Variants in FASN observed in about 807,000 individuals in gnomAD.
The protein encoded by FASN is fatty acid synthase.
In FASN, 50 loss-of-function variants were observed where a neutral mutation model predicts 250.0. The ratio of observed to expected loss-of-function variants is 0.20; its 90% CI spans 0.16 to 0.25. FASN has a LOEUF of 0.25. Ranked by LOEUF, FASN falls within the 10% of genes least tolerant of loss-of-function variation. The probability of loss-of-function intolerance (pLI) is 1.00; values close to 1 mark genes in which losing one functional copy is unlikely to be tolerated. For synonymous variants in FASN, 1,909 were observed against 1,584.0 expected (o/e 1.21, Z -4.87); for missense variants, 3,031 against 3,498.5 (o/e 0.87, Z 3.37).
rs1296810957 is a variant in FASN, at chr17:82,095,462, G to A, written c.138C>T (p.Gly46=). 1 of 1,612,400 alleles carries A rather than the reference G, an allele frequency of 6.2e-7. No individual in the cohort carries two copies. Among genetic ancestry groups the A allele is most frequent in the Admixed American group, 1.7e-5 (1 of 60,024 alleles). ...TCAGCTTGCCGGACCGCCGGGGCAG[G>A]CCGTAGAGCCCTGTGGGACAGGCGG... is the stretch of plus-strand genomic sequence containing the variant. ...DDRRWKAGLY[G]LPRRSGKLKD... The change falls in exon 3 of 43, where the codon GGC becomes GGT. Residue 46 remains glycine, a synonymous_variant. Transcript: ENST00000306749.
At chr17:82,095,554 G>A in intron 2 of FASN, 82 bp from the exon 3 acceptor site, 1 of 1,546,116 alleles carries the variant, frequency 6.5e-7, no homozygotes, top group Non-Finnish European at 8.8e-7. Flanking sequence ...GGCCCCTGGA[G>A]GGGCCATGGT....
Position 82,079,133 on chromosome 17 carries a change from G to A in FASN, c.*10C>T. 6.2e-7 allele frequency: 1 copy of A among 1,609,238 alleles called. No individual in the cohort carries two copies. Among genetic ancestry groups the A allele is most frequent in the Non-Finnish European group, 8.5e-7 (1 of 1,179,732 alleles). On this transcript the variant is annotated 3_prime_UTR_variant, in exon 43 of 43. Transcript: ENST00000306749. ...TGGAGTGACCTCCGGTGGCAGGCGGGGGCACGGGCCTAGCCCTCCCGCACG... is the reference window on the plus strand; with the variant it reads ...TGGAGTGACCTCCGGTGGCAGGCGGAGGCACGGGCCTAGCCCTCCCGCACG...
At chr17:82,079,871 C>A (rs2033956937) in intron 41 of FASN, 3 of 630,258 alleles carry the variant, frequency 4.8e-6, no homozygotes, top group Non-Finnish European at 8.2e-6. Context: ...CCATGCCTGG[C>A]TAATTTTTGT....
In FASN at chr17:82,087,136, A is replaced by C. The variant is rs926340621; in HGVS notation, c.3341T>G (p.Leu1114Arg). 6.2e-7 allele frequency: 1 copy of C among 1,612,060 alleles called. No homozygotes were observed. The highest frequency in any genetic ancestry group is 8.5e-7 in the Non-Finnish European group (1 of 1,179,820). The change falls in exon 21 of 43, where the codon CTG becomes CGG. Residue 1114 changes from leucine (L) to arginine (R), a missense_variant. By Grantham distance (102) the Leu-to-Arg change is moderately radical (BLOSUM62 -2). Coordinates refer to ENST00000306749, the MANE Select transcript of FASN (RefSeq NM_004104.5). ...RRQQEQQVPI[L>R]EKFCFTPHTE... ...GTGGGGAGTGAAGCAAAACTTCTCC[A>C]GGATGGGCACCTGCTGCTCCTGCTG...
chr17:82,088,278 G>T lies in FASN; in HGVS notation c.2623C>A (p.Leu875Met). The stretch of plus-strand genomic sequence containing the variant: ...CGACCGTCGAGGGTGTGGTCCACCA[G>T]GTAGTGGTCAGGAGACTCGGAGCTG... ...DTSSESPDHY[L>M]VDHTLDGRVL... The change falls in exon 17 of 43, where the codon CTG becomes ATG. Residue 875 changes from leucine (L) to methionine (M), a missense_variant. Coordinates refer to ENST00000306749, the MANE Select transcript of FASN (RefSeq NM_004104.5). The T allele has an allele frequency of 6.2e-7, 1 of 1,606,446 alleles. No individual in the cohort carries two copies. Among genetic ancestry groups the T allele is most frequent in the African/African-American group, 1.3e-5 (1 of 75,054 alleles).
intron 1 of FASN, 133 bp from the exon 2 acceptor site, chr17:82,096,585 T>A: frequency 7.3e-7 from 1 of 1,361,864 alleles, no homozygotes; most frequent in Non-Finnish European, 1.0e-6. Flanking sequence ...CCCTGGCTCC[T>A]GCGGCTCCCT....
chr17:82,080,780 C>G lies in FASN; in HGVS notation c.6738G>C (p.Leu2246=), dbSNP rs764065669. 56 of 1,604,556 alleles carry G rather than the reference C, an allele frequency of 3.5e-5. No individual in the cohort carries two copies. The highest frequency in any genetic ancestry group is 4.7e-5 in the Non-Finnish European group (55 of 1,176,924). ...TGGTGGAGCCCTCGATTGGGTGCACCAGGAACAGGGGCCGCTCCGAGCTCT... is the reference window on the plus strand; with the variant it reads ...TGGTGGAGCCCTCGATTGGGTGCACGAGGAACAGGGGCCGCTCCGAGCTCT... The part of the protein sequence containing the change: ...SVQSSERPLF[L]VHPIEGSTTV... Residue 2246 remains leucine (L), a synonymous_variant, in exon 39 of 43, where the codon CTG becomes CTC. Coordinates refer to ENST00000306749, the MANE Select transcript of FASN (RefSeq NM_004104.5).
chr17:82,082,839 G>C, intron 33 of FASN, 75 bp downstream of exon 33: 2 of 1,576,986 alleles, frequency 1.3e-6, no homozygotes, highest in East Asian at 4.6e-5. Flanking sequence ...CACAATGGTG[G>C]GCTGCAGAGA....
chr17:82,084,436 G>A (rs1485177491), intron 27 of FASN, 52 bp from the exon 28 acceptor site: 1 of 1,586,576 alleles, frequency 6.3e-7, no homozygotes, highest in South Asian at 1.1e-5. Flanking sequence ...CTCCCGAGGG[G>A]CTCCCAGGCA....
At position 82,088,430 on chromosome 17, in the gene FASN, G is replaced by A. The variant is rs1269517182; in HGVS notation, c.2553C>T (p.Pro851=). The change falls in exon 16 of 43, where the codon CCC becomes CCT. Residue 851 remains proline (P), a synonymous_variant. Coordinates refer to ENST00000306749, the MANE Select transcript of FASN (RefSeq NM_004104.5). ...CGGCTGAGGGGGAACCTGAACCGTT[G>A]GGGAAGTCCTCGGCGGCCGGCACGT... The part of the protein sequence containing the change: ...AWDVPAAEDF[P]NGSGSPSAAI... 6.2e-7 allele frequency: 1 copy of A among 1,611,982 alleles called. No homozygotes were observed. Among genetic ancestry groups the A allele is most frequent in the Non-Finnish European group, 8.5e-7 (1 of 1,179,328 alleles).
intron 12 of FASN, 30 bp downstream of exon 12, chr17:82,089,602 A>G (rs1384579329): frequency 1.3e-6 from 2 of 1,570,438 alleles, no homozygotes; most frequent in South Asian, 1.2e-5. Context: ...CGCAGGGGAC[A>G]GAGGAGCCCG....
In FASN at chr17:82,079,411, G is replaced by C; in HGVS notation, c.7344C>G (p.Ala2448=). The C allele has an allele frequency of 3.7e-6, 6 of 1,613,050 alleles. No individual in the cohort carries two copies. Among genetic ancestry groups the C allele is most frequent in the Non-Finnish European group, 5.1e-6 (6 of 1,180,008 alleles). Reference sequence around the variant, plus strand: ...CCTCGCCGTAGGCGCCACCCGTCTTGGCGCGCAGTAGCATCACGTTGCCAT... The same window carrying C: ...CCTCGCCGTAGGCGCCACCCGTCTTCGCGCGCAGTAGCATCACGTTGCCAT... ...KYHGNVMLLR[A]KTGGAYGEDL... is the part of the protein sequence containing the mutation. The change falls in exon 42 of 43, where the codon GCC becomes GCG. Residue 2448 remains alanine (A), a synonymous_variant. Coordinates refer to ENST00000306749, the MANE Select transcript of FASN (RefSeq NM_004104.5).
At position 82,084,814 on chromosome 17, in the gene FASN, A is replaced by T. The variant is rs1244670246; in HGVS notation, c.4549T>A (p.Phe1517Ile). 1.3e-6 allele frequency: 2 copies of T among 1,550,118 alleles called. No individual in the cohort carries two copies. The highest frequency in any genetic ancestry group is 1.7e-6 in the Non-Finnish European group (2 of 1,146,958). The change falls in exon 26 of 43, where the codon TTC becomes ATC. Residue 1517 changes from phenylalanine (F) to isoleucine (I), a missense_variant. By Grantham distance (21) the Phe-to-Ile change is conservative. Transcript: ENST00000306749. ...GGGGGCTCACCCTCCTCCAGCAGGA[A>T]GTGGCGGAAAGCCCCCCAGGCCCCG... is the stretch of plus-strand genomic sequence containing the variant. The part of the protein sequence containing the change: ...RDGAWGAFRH[F>I]LLEEDKPEEP...
Position 82,084,914 on chromosome 17 carries a change from G to A in FASN, c.4449C>T (p.Val1483=). The change falls in exon 26 of 43, where the codon GTC becomes GTT. Residue 1483 remains valine, a synonymous_variant. Transcript: ENST00000306749. ...CTGCGGAGCCCGGGTCCACCTCCGGGACGTGGGAGGTGCTGCTGAGGTTGG... is the reference window on the plus strand; with the variant it reads ...CTGCGGAGCCCGGGTCCACCTCCGGAACGTGGGAGGTGCTGCTGAGGTTGG... The part of the protein sequence containing the change: ...LLSNLSSTSH[V]PEVDPGSAEL... The A allele has an allele frequency of 1.9e-6, 3 of 1,552,490 alleles. No homozygotes were observed. Among genetic ancestry groups the A allele is most frequent in the East Asian group, 2.4e-5 (1 of 41,118 alleles).
In FASN at chr17:82,082,575, G is replaced by A. The variant is rs779181108; in HGVS notation, c.5871C>T (p.Ala1957=). 2.0e-5 allele frequency: 32 copies of A among 1,609,400 alleles called. No individual in the cohort carries two copies. The highest frequency in any genetic ancestry group is 5.0e-5 in the Admixed American group (3 of 59,970). ...CCACGGGCCCAAGCTGCGCCGCCTC[G>A]GCAATGAGGCCCCGGGCCCCCTCCA... The part of the protein sequence containing the change: ...SSLEGARGLI[A]EAAQLGPVGG... Residue 1957 remains alanine, a synonymous_variant, in exon 34 of 43, where the codon GCC becomes GCT. Transcript: ENST00000306749.
chr17:82,081,195 C>T lies in FASN; in HGVS notation c.6564G>A (p.Gln2188=). The T allele has an allele frequency of 6.3e-7, 1 of 1,594,502 alleles. No individual in the cohort carries two copies. Among genetic ancestry groups the T allele is most frequent in the Non-Finnish European group, 8.5e-7 (1 of 1,171,600 alleles). ...CCTCATCCGCCTTTGAGGACAGCTC[C>T]TGCAGTTTCCGGAGCGTGAGTTGCC... The part of the protein sequence containing the change: ...EVRQLTLRKL[Q]ELSSKADEAS... The change falls in exon 38 of 43, where the codon CAG becomes CAA. Residue 2188 remains glutamine, a synonymous_variant. Transcript: ENST00000306749.
chr17:82,086,217 T>C, intron 22 of FASN, 37 bp downstream of exon 22: 1 of 1,538,532 alleles, frequency 6.5e-7, no homozygotes, highest in Non-Finnish European at 8.7e-7. Flanking sequence ...TCCTACCATG[T>C]CCGGGGCAGA....
In FASN at chr17:82,088,637, C is replaced by T. The variant is rs1400461953; in HGVS notation, c.2421-75G>A. 8 of 1,523,590 alleles carry T rather than the reference C, an allele frequency of 5.3e-6. No individual in the cohort carries two copies. The Admixed American group carries it at 9.0e-5, about 17-fold the overall frequency. 94.4% of individuals were successfully genotyped at this position (1,523,590 alleles called of 1,614,324 possible). On this transcript the variant is annotated intron_variant, in intron 15 of 42. Coordinates refer to ENST00000306749, the MANE Select transcript of FASN (RefSeq NM_004104.5). The stretch of plus-strand genomic sequence containing the variant: ...GCTCTGGGTTCAGCCCACCCACTGC[C>T]TGCGGTGGACCATCCAGGGCTGCTG...
At chr17:82,089,212 C>T in intron 13 of FASN, 38 bp downstream of exon 13, 1 of 1,607,598 alleles carries the variant, frequency 6.2e-7, no homozygotes, top group Non-Finnish European at 8.5e-7. Flanking sequence ...TGTGGGTCCC[C>T]TGGCCCGCCC....
Sources: gnomAD v4.1 joint callset for allele counts on GRCh38, gnomAD v4.1.1 for gene constraint, MANE v1.5 for transcripts, NCBI Gene and HGNC (gene_info 2026-07-23, HGNC 2026-07-21) for gene names.